WDR7: variants seen among roughly 807,000 people sequenced by gnomAD.
The protein encoded by WDR7 is WD repeat domain 7, also known as WD repeat-containing protein 7.
Under a neutral mutation model 169.4 loss-of-function variants are expected in WDR7, and 46 were observed. The observed-to-expected ratio is 0.27, with a 90% CI of 0.21 to 0.35. WDR7 has a LOEUF of 0.35. Ranked by LOEUF, WDR7 falls within the 10% of genes least tolerant of loss-of-function variation. The probability of loss-of-function intolerance (pLI) is 1.00; values close to 1 mark genes in which losing one functional copy is unlikely to be tolerated. For synonymous variants in WDR7, 612 were observed against 666.8 expected (o/e 0.92, Z 1.27); for missense variants, 1,534 against 1,859.3 (o/e 0.83, Z 3.22).
At chr18:56,866,554 T>C (rs1167564748) in intron 20 of WDR7, among the ~76,000 whole-genome samples, 8 of 152,172 alleles carry the variant, frequency 5.3e-5, no homozygotes, top group Non-Finnish European at 1.0e-4. Context: ...TATTGAGTAT[T>C]TTTTAGAAAT....
intron 25 of WDR7, among the ~76,000 whole-genome samples, chr18:56,951,161 CATT>C (rs1294025388): frequency 6.6e-6 from 1 of 152,194 alleles, no homozygotes; most frequent in South Asian, 2.1e-4. Flanking sequence ...ATCACTCTCA[CATT>C]ATTACCCTTT....
chr18:56,898,203 A>G (rs1479310671), intron 21 of WDR7, among the ~76,000 whole-genome samples: 2 of 152,036 alleles, frequency 1.3e-5, no homozygotes, highest in Non-Finnish European at 2.9e-5. Context: ...AATATGATAT[A>G]TTTTATGGAA....
chr18:56,925,372 C>T (rs1248907507), intron 22 of WDR7, among the ~76,000 whole-genome samples: 2 of 152,192 alleles, frequency 1.3e-5, no homozygotes, highest in Non-Finnish European at 2.9e-5. Flanking sequence ...CAGTGCACAA[C>T]AGTTCCATTT....
intron 19 of WDR7, among the ~76,000 whole-genome samples, chr18:56,790,119 A>G (rs910106609): frequency 3.3e-5 from 5 of 152,234 alleles, no homozygotes; most frequent in Admixed American, 1.3e-4. Flanking sequence ...AACACTGCAC[A>G]TGAATACCGG....
intron 21 of WDR7, among the ~76,000 whole-genome samples, chr18:56,907,682 G>A (rs1266147284): frequency 6.6e-6 from 1 of 152,132 alleles, no homozygotes; most frequent in Non-Finnish European, 1.5e-5. Flanking sequence ...AGTTCTGAAG[G>A]CTAGGAAGTC....
At chr18:56,907,170 T>C (rs907916097) in intron 21 of WDR7, among the ~76,000 whole-genome samples, 2 of 152,346 alleles carry the variant, frequency 1.3e-5, no homozygotes, top group Middle Eastern at 3.4e-3. Flanking sequence ...TTTCCTTTAT[T>C]TTGGTAAAAA....
At chr18:57,015,615 G>A (rs1420014428) in intron 26 of WDR7, among the ~76,000 whole-genome samples, 1 of 152,192 alleles carries the variant, frequency 6.6e-6, no homozygotes, top group Non-Finnish European at 1.5e-5. Context: ...AAATCTACGG[G>A]CTCCTGTATT....
At chr18:56,773,441 G>A (rs2044194939) in intron 16 of WDR7, among the ~76,000 whole-genome samples, 1 of 150,970 alleles carries the variant, frequency 6.6e-6, no homozygotes, top group Non-Finnish European at 1.5e-5. Context: ...TAATCTTTTT[G>A]GCATTAGGAA....
At chr18:56,936,975 T>C (rs1279502402) in intron 23 of WDR7, among the ~76,000 whole-genome samples, 1 of 151,978 alleles carries the variant, frequency 6.6e-6, no homozygotes, top group African/African-American at 2.4e-5. Context: ...ATTTTATTAG[T>C]CTTGGAAGGT....
At chr18:56,674,060 A>G (rs1363809090) in intron 2 of WDR7, among the ~76,000 whole-genome samples, 1 of 152,184 alleles carries the variant, frequency 6.6e-6, no homozygotes. Context: ...TCTGGCCCTT[A>G]TGAGTAATGC....
intron 20 of WDR7, among the ~76,000 whole-genome samples, chr18:56,849,136 C>T (rs2045606832): frequency 6.6e-6 from 1 of 152,144 alleles, no homozygotes; most frequent in Admixed American, 6.6e-5. Flanking sequence ...ACAGCTGATA[C>T]ATATGCTTCT....
chr18:56,807,414 A>T (rs2044794059), intron 19 of WDR7, among the ~76,000 whole-genome samples: 1 of 152,164 alleles, frequency 6.6e-6, no homozygotes, highest in Non-Finnish European at 1.5e-5. Flanking sequence ...TTGTCAGCTC[A>T]TATCCTGCAA....
At chr18:56,769,724 G>A (rs921519932) in intron 16 of WDR7, among the ~76,000 whole-genome samples, 1 of 152,162 alleles carries the variant, frequency 6.6e-6, no homozygotes, top group Non-Finnish European at 1.5e-5. Context: ...AATTTAGGTT[G>A]TCTAAACTTA....
At chr18:56,910,009 C>T (rs2046531755) in intron 21 of WDR7, among the ~76,000 whole-genome samples, 1 of 152,102 alleles carries the variant, frequency 6.6e-6, no homozygotes, top group Non-Finnish European at 1.5e-5. Flanking sequence ...GTTTCTCTCC[C>T]TTTAACATCC....
intron 13 of WDR7, among the ~76,000 whole-genome samples, chr18:56,727,776 A>C (rs897229679): frequency 6.6e-6 from 1 of 152,060 alleles, no homozygotes; most frequent in Admixed American, 6.6e-5. Flanking sequence ...CTTATGTGCA[A>C]ATGTTTTGAC....
At chr18:56,938,461 A>T in intron 23 of WDR7, 72 bp from the exon 24 acceptor site, 1 of 1,558,942 alleles carries the variant, frequency 6.4e-7, no homozygotes, top group Non-Finnish European at 8.6e-7. Context: ...AGAAAGTAAA[A>T]AATAAACCAT....
intron 12 of WDR7, among the ~76,000 whole-genome samples, chr18:56,715,395 G>A (rs1440629885): frequency 6.6e-6 from 1 of 152,188 alleles, no homozygotes; most frequent in East Asian, 1.9e-4. Flanking sequence ...GGAAAGGAAT[G>A]ACTAGAGTAT....
At position 56,833,431 on chromosome 18, in the gene WDR7, T is replaced by G. The variant is rs140887662; in HGVS notation, c.3304+17287T>G. Among the ~76,000 whole-genome samples the G allele has an allele frequency of 8.1e-3, 1,236 of 152,212 alleles. 20 individuals carry two copies. The highest frequency in any genetic ancestry group is 0.026 in the African/African-American group (1,085 of 41,524). On this transcript the variant is annotated intron_variant, in intron 20 of 27. Transcript: ENST00000254442. Reference sequence around the variant, plus strand: ...GTTGATGTAACCTATGTAACAAACCTGCATGTTCTGCACATGTATCCCAGA... The same window carrying G: ...GTTGATGTAACCTATGTAACAAACCGGCATGTTCTGCACATGTATCCCAGA...
At chr18:56,857,390 C>T (rs2045736992) in intron 20 of WDR7, among the ~76,000 whole-genome samples, 1 of 152,092 alleles carries the variant, frequency 6.6e-6, no homozygotes, top group Admixed American at 6.5e-5. Context: ...TCCAGGGTAG[C>T]TGGGACTGTA....
Sources: gnomAD v4.1 joint callset for allele counts (sites outside exome capture counted in the v4.1 genomes callset) on GRCh38, gnomAD v4.1.1 for gene constraint, MANE v1.5 for transcripts, NCBI Gene and HGNC (gene_info 2026-07-23, HGNC 2026-07-21) for gene names.